The following AK8 variants were observed in gnomAD, a reference collection of about 807,000 sequenced individuals.
AK8 encodes the protein ATP-AMP transphosphorylase 8.
A neutral mutation model predicts 54.6 loss-of-function variants in AK8; 44 were observed. That is an observed-to-expected ratio of 0.81 (90% CI 0.63 to 1.04). The LOEUF is 1.04. AK8 is among the 50% of genes least tolerant of loss of function. AK8 has a pLI of 0.00. For missense variants in AK8, 555 were observed against 613.6 expected (o/e 0.90, Z 1.01); for synonymous variants, 239 against 245.6 (o/e 0.97, Z 0.25).
intron 11 of AK8, among the ~76,000 whole-genome samples, chr9:132,767,793 T>G (rs1414936273): frequency 5.3e-5 from 8 of 152,234 alleles, no homozygotes; most frequent in Non-Finnish European, 1.5e-5. Context: ...AATGAAATTC[T>G]GTCATTTACA....
At chr9:132,766,132 G>T (rs771477167) in intron 11 of AK8, among the ~76,000 whole-genome samples, 2 of 152,194 alleles carry the variant, frequency 1.3e-5, no homozygotes, top group Non-Finnish European at 2.9e-5. Context: ...TTCTTTTTGA[G>T]ACAGGATCTT....
intron 11 of AK8, among the ~76,000 whole-genome samples, chr9:132,732,099 C>CA (rs1340293331): frequency 3.3e-5 from 5 of 152,068 alleles, no homozygotes; most frequent in Admixed American, 2.6e-4. Flanking sequence ...TTATTATGGC[C>CA]AATTTTATTG....
At chr9:132,871,767 C>T (rs973048908) in intron 2 of AK8, among the ~76,000 whole-genome samples, 1 of 152,146 alleles carries the variant, frequency 6.6e-6, no homozygotes, top group Non-Finnish European at 1.5e-5. Flanking sequence ...GGGAAAGGGG[C>T]GCTAAGGAGG....
At chr9:132,810,308 C>T (rs117646982) in intron 10 of AK8, among the ~76,000 whole-genome samples, 42 of 148,896 alleles carry the variant, frequency 2.8e-4, no homozygotes, top group Admixed American at 1.9e-3. Context: ...CGAAGTGATC[C>T]GGGTCTCGCT....
intron 10 of AK8, among the ~76,000 whole-genome samples, chr9:132,812,530 T>TGCCCACTGGGATGACGGGAGAGCCGCCGC (rs1841086676): frequency 7.7e-6 from 1 of 130,644 alleles, no homozygotes; most frequent in Non-Finnish European, 1.7e-5. Context: ...TGAGCTACCG[T>TGCCCACTGGGATGACGGGAGAGCCGCCGC]GCCCACTGGG....
intron 11 of AK8, among the ~76,000 whole-genome samples, chr9:132,767,544 A>G (rs1441935084): frequency 2.0e-5 from 3 of 152,220 alleles, no homozygotes; most frequent in Non-Finnish European, 2.9e-5. Context: ...GGAAAACAGT[A>G]TGGAGGTTCT....
rs1262753252 is a variant in AK8, at chr9:132,803,941, A to C, written c.979+10697T>G. Reference sequence around the variant, plus strand: ...GCCAATATGGTGAAACCCCATCTCTACTAAAAATACAAAAATTAGCCGGGC... The same window carrying C: ...GCCAATATGGTGAAACCCCATCTCTCCTAAAAATACAAAAATTAGCCGGGC... On this transcript the variant is annotated intron_variant, in intron 10 of 12. Coordinates refer to ENST00000298545, the MANE Select transcript of AK8 (RefSeq NM_152572.3). The surrounding 1 kb of genome is among the most constrained non-coding windows in gnomAD (Gnocchi z 4.4). Among the ~76,000 whole-genome samples, 1 of 151,972 alleles carries C rather than the reference A, an allele frequency of 6.6e-6. No individual in the cohort carries two copies. The highest frequency in any genetic ancestry group is 1.5e-5 in the Non-Finnish European group (1 of 68,002).
intron 2 of AK8, among the ~76,000 whole-genome samples, chr9:132,869,703 C>A (rs372424263): frequency 6.6e-6 from 1 of 152,234 alleles, no homozygotes. Context: ...GTGGAAAACA[C>A]TGCTTGCAGG....
chr9:132,806,520 C>T (rs1187994475), intron 10 of AK8, among the ~76,000 whole-genome samples: 1 of 152,180 alleles, frequency 6.6e-6, no homozygotes, highest in Admixed American at 6.5e-5. Flanking sequence ...CTCCCCTCCA[C>T]GGGAAGACAG....
chr9:132,832,063 GAAAAAAA>G (rs11284701), intron 5 of AK8, among the ~76,000 whole-genome samples: 1 of 12,418 alleles, frequency 8.1e-5, no homozygotes, highest in Non-Finnish European at 1.4e-4. Context: ...CCTTGTCTCT[GAAAAAAA>G]AAAAAAAAAA....
At chr9:132,807,188 T>C (rs940600218) in intron 10 of AK8, among the ~76,000 whole-genome samples, 8 of 126,156 alleles carry the variant, frequency 6.3e-5, no homozygotes, top group Non-Finnish European at 1.2e-4. Context: ...TGGGAGATGC[T>C]GGGGGGGGCG....
intron 11 of AK8, among the ~76,000 whole-genome samples, chr9:132,738,666 A>G (rs1837227422): frequency 6.6e-6 from 1 of 151,870 alleles, no homozygotes; most frequent in Admixed American, 6.6e-5. Context: ...TGAGGCAAGG[A>G]TAGTTTCCAA....
At chr9:132,737,148 AAC>A (rs887935004) in intron 11 of AK8, among the ~76,000 whole-genome samples, 5 of 151,268 alleles carry the variant, frequency 3.3e-5, no homozygotes, top group Non-Finnish European at 5.9e-5. Flanking sequence ...ATATATATTT[AAC>A]ACACACACAC....
At chr9:132,850,920 C>T (rs1275168783) in intron 5 of AK8, among the ~76,000 whole-genome samples, 2 of 146,628 alleles carry the variant, frequency 1.4e-5, no homozygotes, top group African/African-American at 4.9e-5. Flanking sequence ...AAAAAAGACA[C>T]AAGTTCTGAT....
intron 2 of AK8, among the ~76,000 whole-genome samples, chr9:132,871,607 C>A (rs754093498): frequency 6.6e-6 from 1 of 152,206 alleles, no homozygotes; most frequent in Admixed American, 6.5e-5. Flanking sequence ...CAGACCCCCC[C>A]GGCTGGAGGC....
chr9:132,749,183 A>G (rs1325577582), intron 11 of AK8, among the ~76,000 whole-genome samples: 1 of 151,966 alleles, frequency 6.6e-6, no homozygotes, highest in East Asian at 1.9e-4. Context: ...AAATATTTAC[A>G]ATGTTTTTCA....
chr9:132,754,381 C>A (rs918340769), intron 11 of AK8, among the ~76,000 whole-genome samples: 2 of 152,188 alleles, frequency 1.3e-5, no homozygotes, highest in African/African-American at 4.8e-5. Context: ...GAGGTGATAT[C>A]CAGCAGGCCT....
intron 11 of AK8, 97 bp downstream of exon 11, chr9:132,792,537 G>T: frequency 7.0e-7 from 1 of 1,432,308 alleles, no homozygotes; most frequent in Non-Finnish European, 9.3e-7. Flanking sequence ...TCAGGAACAC[G>T]TGAAGGCTTG....
At position 132,827,759 on chromosome 9, in the gene AK8, G is replaced by A; in HGVS notation, c.556+254C>T. On this transcript the variant is annotated intron_variant, in intron 7 of 12. Transcript: ENST00000298545. ...GGCCCCAAGCCCAGGTGCCTGGCAT[G>A]ACCCCCCACACTCTATTCTGGTTCT... is the stretch of plus-strand genomic sequence containing the variant. The A allele has an allele frequency of 8.4e-6, 4 of 477,714 alleles. No individual in the cohort carries two copies. In the South Asian group the frequency reaches 1.4e-4, roughly 16 times the overall value. 29.6% of individuals were successfully genotyped at this position (477,714 alleles called of 1,614,324 possible). A position where few individuals can be genotyped will look rare whatever the true frequency, so the allele number is the denominator to read the frequency against.
Sources: allele counts gnomAD v4.1 joint callset (sites outside exome capture counted in the v4.1 genomes callset), GRCh38; gene constraint gnomAD v4.1.1; non-coding constraint Gnocchi (gnomAD v3.1); transcripts MANE v1.5; gene names NCBI Gene and HGNC (gene_info 2026-07-23, HGNC 2026-07-21).